EYS: variants seen among roughly 807,000 people sequenced by gnomAD.
EYS encodes the protein EGF-like photoreceptor maintenance factor, also known as protein eyes shut homolog.
EYS carries 250 observed loss-of-function variants against 282.1 expected under a neutral mutation model. The ratio of observed to expected loss-of-function variants is 0.89; its 90% CI spans 0.80 to 0.98. The LOEUF is 0.98. EYS is among the 50% of genes least tolerant of loss of function. The probability of loss-of-function intolerance (pLI) is 0.00; values close to 1 mark genes in which losing one functional copy is unlikely to be tolerated. For synonymous variants in EYS, 1,355 were observed against 1,282.9 expected (o/e 1.06, Z -1.20); for missense variants, 4,016 against 3,709.0 (o/e 1.08, Z -2.15).
chr6:65,297,363 T>C (rs1362362075), intron 11 of EYS, among the ~76,000 whole-genome samples: 2 of 151,896 alleles, frequency 1.3e-5, no homozygotes, highest in Non-Finnish European at 2.9e-5. Flanking sequence ...ACCTAAGTCA[T>C]TACACTTATA....
At chr6:63,814,889 A>G (rs115401763) in intron 36 of EYS, among the ~76,000 whole-genome samples, 1 of 152,182 alleles carries the variant, frequency 6.6e-6, no homozygotes. Flanking sequence ...TTTATACTGG[A>G]TTACATTCCC....
intron 35 of EYS, among the ~76,000 whole-genome samples, chr6:63,955,547 C>G (rs1239322474): frequency 1.3e-5 from 2 of 152,190 alleles, no homozygotes; most frequent in Non-Finnish European, 2.9e-5. Context: ...TCGCTCTCTT[C>G]TAGCTGTTTC....
intron 19 of EYS, among the ~76,000 whole-genome samples, chr6:64,823,240 A>G (rs147950139): frequency 1.3e-5 from 2 of 151,978 alleles, no homozygotes; most frequent in African/African-American, 4.8e-5. Context: ...TGAGTCTATT[A>G]ATGGGCTCCC....
At chr6:65,360,892 T>C (rs1000804757) in intron 8 of EYS, among the ~76,000 whole-genome samples, 1 of 152,090 alleles carries the variant, frequency 6.6e-6, no homozygotes, top group Non-Finnish European at 1.5e-5. Context: ...TGAGGTAGTT[T>C]CATTCTGGAT....
intron 31 of EYS, among the ~76,000 whole-genome samples, chr6:64,162,958 G>A (rs1775153849): frequency 6.6e-6 from 1 of 152,196 alleles, no homozygotes; most frequent in African/African-American, 2.4e-5. Context: ...GTGCTGTTCT[G>A]TGCCAGGCAC....
At chr6:64,481,268 G>C (rs1440368285) in intron 26 of EYS, among the ~76,000 whole-genome samples, 2 of 121,310 alleles carry the variant, frequency 1.6e-5, no homozygotes, top group Non-Finnish European at 3.4e-5. Flanking sequence ...TGTATGGTGT[G>C]TGTGTGTATA....
chr6:64,955,406 G>A (rs1769664666), intron 14 of EYS, among the ~76,000 whole-genome samples: 1 of 152,122 alleles, frequency 6.6e-6, no homozygotes, highest in Non-Finnish European at 1.5e-5. Context: ...ACTATTGGGA[G>A]AGGACATAGT....
At chr6:63,873,307 C>T (rs1361502874) in intron 35 of EYS, among the ~76,000 whole-genome samples, 1 of 152,138 alleles carries the variant, frequency 6.6e-6, no homozygotes, top group Non-Finnish European at 1.5e-5. Flanking sequence ...CCAGCTTCAT[C>T]CATGTCCCTA....
intron 1 of EYS, among the ~76,000 whole-genome samples, chr6:65,653,522 A>G (rs1301450657): frequency 6.6e-6 from 1 of 151,918 alleles, no homozygotes; most frequent in East Asian, 1.9e-4. Flanking sequence ...TTATACAGGA[A>G]CCCACTTCAG....
chr6:65,583,029 T>C (rs1382292600), intron 2 of EYS, among the ~76,000 whole-genome samples: 3 of 152,084 alleles, frequency 2.0e-5, no homozygotes, highest in Admixed American at 6.6e-5. Context: ...GATTGTAATA[T>C]TGATCCCTAT....
intron 41 of EYS, among the ~76,000 whole-genome samples, chr6:63,727,173 T>C (rs1457243212): frequency 6.6e-6 from 1 of 152,062 alleles, no homozygotes; most frequent in Non-Finnish European, 1.5e-5. Context: ...TTTGCTTCTG[T>C]GTATAACTGA....
At chr6:65,191,682 C>G (rs1481770479) in intron 12 of EYS, among the ~76,000 whole-genome samples, 1 of 151,778 alleles carries the variant, frequency 6.6e-6, no homozygotes, top group East Asian at 1.9e-4. Flanking sequence ...AAAAGAAAAT[C>G]AGCTTGTACA....
At chr6:64,962,253 G>A (rs1011905982) in intron 14 of EYS, among the ~76,000 whole-genome samples, 1 of 151,610 alleles carries the variant, frequency 6.6e-6, no homozygotes, top group African/African-American at 2.4e-5. Flanking sequence ...TACACCACTA[G>A]TAGTAAATGA....
At chr6:64,958,109 C>T (rs1769772372) in intron 14 of EYS, among the ~76,000 whole-genome samples, 1 of 151,782 alleles carries the variant, frequency 6.6e-6, no homozygotes, top group Admixed American at 6.6e-5. Flanking sequence ...ATATATCACA[C>T]ATAAAATATA....
chr6:64,112,566 TAACCAC>T (rs558947740), intron 31 of EYS, among the ~76,000 whole-genome samples: 10 of 151,918 alleles, frequency 6.6e-5, no homozygotes, highest in African/African-American at 2.4e-4. Flanking sequence ...TTAATCCTCC[TAACCAC>T]AACATTATAC....
intron 22 of EYS, among the ~76,000 whole-genome samples, chr6:64,762,290 TAAC>T (rs1773184281): frequency 6.6e-6 from 1 of 152,236 alleles, no homozygotes; most frequent in Non-Finnish European, 1.5e-5. Flanking sequence ...CAACCTCACT[TAAC>T]AAGTTGCAGA....
At chr6:64,868,818 A>T (rs1234086377) in intron 19 of EYS, among the ~76,000 whole-genome samples, 1 of 151,508 alleles carries the variant, frequency 6.6e-6, no homozygotes, top group Admixed American at 6.6e-5. Flanking sequence ...AAGAATTACA[A>T]TTTGAGTACT....
At chr6:64,777,812 C>T (rs2149991049) in intron 22 of EYS, among the ~76,000 whole-genome samples, 1 of 151,992 alleles carries the variant, frequency 6.6e-6, no homozygotes, top group Non-Finnish European at 1.5e-5. Context: ...GAGGAAATTG[C>T]CATGAATTTG....
At chr6:64,289,740 T>C (rs1021626900) in intron 30 of EYS, among the ~76,000 whole-genome samples, 2 of 152,024 alleles carry the variant, frequency 1.3e-5, no homozygotes, top group African/African-American at 4.8e-5. Flanking sequence ...CAATATATAT[T>C]TACTGTGAAT....
Sources: gnomAD v4.1 joint callset for allele counts (sites outside exome capture counted in the v4.1 genomes callset) on GRCh38, gnomAD v4.1.1 for gene constraint, MANE v1.5 for transcripts, NCBI Gene and HGNC (gene_info 2026-07-23, HGNC 2026-07-21) for gene names.